The following TSPEAR variants were observed in gnomAD, a reference collection of about 807,000 sequenced individuals.
The protein encoded by TSPEAR is thrombospondin type laminin G domain and EAR repeats.
TSPEAR carries 69 observed loss-of-function variants against 71.6 expected under a neutral mutation model. That is an observed-to-expected ratio of 0.96 (90% CI 0.79 to 1.18). TSPEAR has a LOEUF of 1.18. Ranked by LOEUF, TSPEAR falls within the 50% of genes most tolerant of loss-of-function variation. The probability of loss-of-function intolerance (pLI) is 0.00; values close to 1 mark genes in which losing one functional copy is unlikely to be tolerated. For missense variants in TSPEAR, 971 were observed against 894.9 expected (o/e 1.09, Z -1.09); for synonymous variants, 402 against 387.2 (o/e 1.04, Z -0.45).
intron 1 of TSPEAR, among the ~76,000 whole-genome samples, chr21:44,588,701 T>TTTATATGTTTATAC: frequency 7.0e-6 from 1 of 143,020 alleles, no homozygotes; most frequent in Non-Finnish European, 1.5e-5. Flanking sequence ...TATATATTTA[T>TTTATATGTTTATAC]ATATATAAAC....
At chr21:44,510,744 G>C (rs942885366) in intron 9 of TSPEAR, 1 of 152,306 alleles carries the variant, frequency 6.6e-6, no homozygotes, top group African/African-American at 2.4e-5. Flanking sequence ...ACAGCTCCGT[G>C]GGCACCAGGC....
chr21:44,550,678 G>C (rs1162074977), intron 2 of TSPEAR: 1 of 1,612,724 alleles, frequency 6.2e-7, no homozygotes, highest in African/African-American at 1.3e-5. Flanking sequence ...GCTGGCCCTG[G>C]GGGACATGGC....
intron 1 of TSPEAR, among the ~76,000 whole-genome samples, chr21:44,691,205 CCT>C (rs549001961): frequency 4.3e-4 from 66 of 152,094 alleles, no homozygotes; most frequent in African/African-American, 1.4e-3. Flanking sequence ...GCTTTGAGTC[CCT>C]CTCTCTCCCC....
chr21:44,649,378 G>A (rs180885946), intron 1 of TSPEAR, among the ~76,000 whole-genome samples: 326 of 152,316 alleles, frequency 2.1e-3, no homozygotes, highest in African/African-American at 7.4e-3. Context: ...GGTAACGGAA[G>A]TTTCTAGATA....
At chr21:44,594,247 C>T (rs1980204292) in intron 1 of TSPEAR, among the ~76,000 whole-genome samples, 1 of 152,122 alleles carries the variant, frequency 6.6e-6, no homozygotes, top group South Asian at 2.1e-4. Flanking sequence ...ATGGCTAACA[C>T]ATAAAAGGAA....
At chr21:44,650,634 A>G (rs1231882070) in intron 1 of TSPEAR, among the ~76,000 whole-genome samples, 1 of 152,276 alleles carries the variant, frequency 6.6e-6, no homozygotes, top group Non-Finnish European at 1.5e-5. Context: ...CTCGGACTGC[A>G]GTCCTCCAGA....
chr21:44,679,991 G>A (rs1211238678), intron 1 of TSPEAR, among the ~76,000 whole-genome samples: 2 of 152,074 alleles, frequency 1.3e-5, no homozygotes, highest in African/African-American at 4.8e-5. Flanking sequence ...ACAGTTTATG[G>A]CTAAGACTAC....
At chr21:44,671,547 A>T (rs1986055641) in intron 1 of TSPEAR, among the ~76,000 whole-genome samples, 1 of 152,338 alleles carries the variant, frequency 6.6e-6, no homozygotes, top group Admixed American at 6.5e-5. Context: ...GCCTCCACTG[A>T]CAACCACAGC....
chr21:44,602,123 T>G (rs1420175025), intron 1 of TSPEAR: 3 of 338,410 alleles, frequency 8.9e-6, no homozygotes, highest in South Asian at 9.9e-5. Context: ...CTGTCTTCCC[T>G]GACCACGGGA....
At chr21:44,569,444 C>A (rs1447125453) in intron 1 of TSPEAR, among the ~76,000 whole-genome samples, 1 of 152,052 alleles carries the variant, frequency 6.6e-6, no homozygotes, top group Non-Finnish European at 1.5e-5. Flanking sequence ...GCTGCCTGGG[C>A]CTGGCCCAGG....
At chr21:44,537,224 G>A (rs1451151727) in intron 2 of TSPEAR, among the ~76,000 whole-genome samples, 2 of 151,764 alleles carry the variant, frequency 1.3e-5, no homozygotes, top group African/African-American at 4.9e-5. Flanking sequence ...ATAAGATAGT[G>A]GCACCTTCCT....
At chr21:44,628,047 CTGACGGT>C in intron 1 of TSPEAR, 1 of 1,611,044 alleles carries the variant, frequency 6.2e-7, no homozygotes, top group Non-Finnish European at 8.5e-7. Flanking sequence ...AGTCCAGCTG[CTGACGGT>C]CATGTCCCCC....
At chr21:44,632,165 A>C (rs1266716058) in intron 1 of TSPEAR, among the ~76,000 whole-genome samples, 3 of 152,248 alleles carry the variant, frequency 2.0e-5, no homozygotes, top group Non-Finnish European at 2.9e-5. Context: ...CTACACATTC[A>C]AGAAGCTCCA....
At chr21:44,663,502 C>T (rs79810257) in intron 1 of TSPEAR, among the ~76,000 whole-genome samples, 1,561 of 152,048 alleles carry the variant, frequency 0.01, 22 homozygotes, top group Middle Eastern at 0.054. Flanking sequence ...AAATGGCCTC[C>T]CTGGAAAATT....
At position 44,530,575 on chromosome 21, in the gene TSPEAR, C is replaced by T. The variant is rs587720025; in HGVS notation, c.633+468G>A. Among the ~76,000 whole-genome samples, 117 of 152,374 alleles carry T rather than the reference C, an allele frequency of 7.7e-4. 1 individual carries two copies. The highest frequency in any genetic ancestry group is 2.6e-3 in the African/African-American group (110 of 41,588). The stretch of plus-strand genomic sequence containing the variant: ...TCCATCTGCCCATCCATCTGTCAAA[C>T]CATGCATCAATAAATATTCAGAGCA... On this transcript the variant is annotated intron_variant, in intron 4 of 11. Coordinates refer to ENST00000323084, the MANE Select transcript of TSPEAR (RefSeq NM_144991.3).
At chr21:44,648,641 G>A (rs977024426) in intron 1 of TSPEAR, among the ~76,000 whole-genome samples, 22 of 152,176 alleles carry the variant, frequency 1.4e-4, no homozygotes, top group African/African-American at 2.2e-4. Context: ...GGCACAGGGC[G>A]CACCAACATT....
Position 44,568,005 on chromosome 21 carries a change from T to A in TSPEAR, c.83A>T (p.Asp28Val). Reference protein sequence around the residue: ...HGTQGWEPCTDLRPLDILAEV... With the variant: ...HGTQGWEPCTVLRPLDILAEV... Reference sequence around the variant, plus strand: ...CGCCAGGATGTCCAGGGGGCGCAGGTCTGTGGCAAAGAAATCACAGGTGGG... The same window carrying A: ...CGCCAGGATGTCCAGGGGGCGCAGGACTGTGGCAAAGAAATCACAGGTGGG... The change falls in exon 2 of 12, where the codon GAC (aspartate) becomes GTC (valine). Residue 28 changes from aspartate (D) to valine (V), a missense_variant and splice_region_variant. Physicochemically the swap from Asp to Val is radical, Grantham distance 152. Coordinates refer to ENST00000323084, the MANE Select transcript of TSPEAR (RefSeq NM_144991.3). The A allele has an allele frequency of 6.6e-7, 1 of 1,514,316 alleles. No individual in the cohort carries two copies. Among genetic ancestry groups the A allele is most frequent in the East Asian group, 2.3e-5 (1 of 43,446 alleles). The allele number at this position is 1,514,316 out of a possible 1,614,324, so 93.8% of individuals were successfully genotyped here.
chr21:44,511,411 T>A lies in TSPEAR; in HGVS notation c.1567-2025A>T, dbSNP rs370642876. 7.2e-5 allele frequency among the ~76,000 whole-genome samples: 11 copies of A among 152,372 alleles called. No homozygotes were observed. The East Asian group carries it at 2.1e-3, about 29-fold the overall frequency. ...TTTTACATGCACAGATGCACATGCA[T>A]GCCTGTACACATGTGGATACACATG... On this transcript the variant is annotated intron_variant, in intron 9 of 11. Coordinates refer to ENST00000323084, the MANE Select transcript of TSPEAR (RefSeq NM_144991.3).
chr21:44,573,690 C>G (rs1426136895), intron 1 of TSPEAR: 7 of 1,571,516 alleles, frequency 4.5e-6, no homozygotes, highest in Non-Finnish European at 6.0e-6. Context: ...AACCCGAGCA[C>G]CTCACTCACT....
Sources: allele counts gnomAD v4.1 joint callset (sites outside exome capture counted in the v4.1 genomes callset), GRCh38; gene constraint gnomAD v4.1.1; transcripts MANE v1.5; gene names NCBI Gene and HGNC (gene_info 2026-07-23, HGNC 2026-07-21).